DSC3: variants seen among roughly 807,000 people sequenced by gnomAD.
DSC3 encodes desmocollin 3.
Under a neutral mutation model 89.5 loss-of-function variants are expected in DSC3, and 97 were observed. The ratio of observed to expected loss-of-function variants is 1.08; its 90% CI spans 0.92 to 1.28. DSC3 has a LOEUF of 1.28. DSC3 is among the 50% of genes most tolerant of loss of function. The pLI is 0.00. For synonymous variants in DSC3, 436 were observed against 384.1 expected (o/e 1.14, Z -1.58); for missense variants, 1,199 against 1,085.3 (o/e 1.10, Z -1.47).
At chr18:31,032,546 CTGTGTGTATGTGTGTGTGTG>C (rs1258783617) in intron 1 of DSC3, among the ~76,000 whole-genome samples, 1 of 133,736 alleles carries the variant, frequency 7.5e-6, no homozygotes, top group African/African-American at 3.0e-5. Context: ...CTAACTGCTT[CTGTGTGTATGTGTGTGTGTG>C]TGTGTGTGTG....
intron 9 of DSC3, among the ~76,000 whole-genome samples, chr18:31,013,597 A>G (rs1161963888): frequency 6.6e-6 from 1 of 152,200 alleles, no homozygotes; most frequent in Non-Finnish European, 1.5e-5. Flanking sequence ...AGATAAGAAG[A>G]GCAAAACATA....
intron 14 of DSC3, among the ~76,000 whole-genome samples, chr18:30,999,059 A>G (rs1255315120): frequency 2.0e-5 from 3 of 152,212 alleles, no homozygotes; most frequent in African/African-American, 7.2e-5. Context: ...ATTAAACATT[A>G]ACTTAATACT....
intron 3 of DSC3, among the ~76,000 whole-genome samples, chr18:31,030,454 A>G (rs773917289): frequency 1.1e-4 from 17 of 152,250 alleles, no homozygotes; most frequent in Non-Finnish European, 2.1e-4. Context: ...GACTACTTTC[A>G]TAATGGCATT....
chr18:31,014,279 T>C (rs1020339638), intron 9 of DSC3, among the ~76,000 whole-genome samples: 1 of 152,066 alleles, frequency 6.6e-6, no homozygotes, highest in African/African-American at 2.4e-5. Flanking sequence ...GATATGTTAA[T>C]TGAAGTAAAA....
At chr18:31,027,125 A>G (rs1032641523) in intron 4 of DSC3, among the ~76,000 whole-genome samples, 10 of 152,198 alleles carry the variant, frequency 6.6e-5, no homozygotes, top group Admixed American at 6.5e-4. Flanking sequence ...AGAAGAATAG[A>G]CATATAGGCT....
intron 7 of DSC3, 88 bp downstream of exon 7, chr18:31,022,248 A>G: frequency 6.7e-7 from 1 of 1,481,936 alleles, no homozygotes; most frequent in Admixed American, 1.8e-5. Flanking sequence ...AAATTAAACT[A>G]TTAATCCACA....
At chr18:30,996,004 AG>A (rs1984451184) in intron 15 of DSC3, among the ~76,000 whole-genome samples, 11 of 143,626 alleles carry the variant, frequency 7.7e-5, no homozygotes, top group African/African-American at 2.5e-4. Context: ...AAAAAAGAAA[AG>A]AAAGAAAAAA....
At chr18:30,999,136 C>T (rs1984570385) in intron 14 of DSC3, among the ~76,000 whole-genome samples, 1 of 152,182 alleles carries the variant, frequency 6.6e-6, no homozygotes, top group African/African-American at 2.4e-5. Context: ...CTCGACATGT[C>T]AGTTTTCATT....
In DSC3 at chr18:31,022,492, C is replaced by G; in HGVS notation, c.786G>C (p.Val262=). Residue 262 remains valine (V), a synonymous_variant, in exon 7 of 16, where the codon GTG becomes GTC. Coordinates refer to ENST00000360428, the MANE Select transcript of DSC3 (RefSeq NM_001941.5). ...CTCTGTCTGTGGCACAAACCACCCC[C>G]ACTGTAGTACCTACACATTAAAAAA... ...VLESSRPGTT[V]GVVCATDRDE... The G allele has an allele frequency of 6.2e-7, 1 of 1,614,012 alleles. No individual in the cohort carries two copies. The highest frequency in any genetic ancestry group is 8.5e-7 in the Non-Finnish European group (1 of 1,179,950).
Position 30,993,752 on chromosome 18 carries a change from C to T in DSC3, c.*423G>A, listed in dbSNP as rs557521005. On this transcript the variant is annotated 3_prime_UTR_variant, in exon 16 of 16. Transcript: ENST00000360428. ...AACATTTTTAATTTAATTCAGTCTT[C>T]ATTGTTTCTTTTCCAAAACTTTCTT... 1 of 170,400 alleles carries T rather than the reference C, an allele frequency of 5.9e-6. No homozygotes were observed. The highest frequency in any genetic ancestry group is 1.7e-4 in the East Asian group (1 of 6,004). The allele number at this position is 170,400 out of a possible 1,614,324, so 10.6% of individuals were successfully genotyped here. A position where few individuals can be genotyped will look rare whatever the true frequency, so the allele number is the denominator to read the frequency against.
intron 3 of DSC3, among the ~76,000 whole-genome samples, chr18:31,030,204 T>C (rs1985733639): frequency 6.6e-6 from 1 of 152,216 alleles, no homozygotes; most frequent in Admixed American, 6.5e-5. Context: ...AATATTGAGC[T>C]GTCATATCAA....
intron 1 of DSC3, among the ~76,000 whole-genome samples, chr18:31,035,407 C>G (rs1985937817): frequency 6.6e-6 from 1 of 151,836 alleles, no homozygotes; most frequent in Non-Finnish European, 1.5e-5. Context: ...AAAATAATAA[C>G]CAGATTGCAA....
intron 4 of DSC3, among the ~76,000 whole-genome samples, chr18:31,026,145 G>A (rs1056760335): frequency 6.6e-5 from 10 of 151,994 alleles, no homozygotes; most frequent in Middle Eastern, 3.2e-3. Context: ...AAAATTAAAT[G>A]AATAAGCTAT....
intron 9 of DSC3, among the ~76,000 whole-genome samples, chr18:31,008,991 A>G (rs896327639): frequency 2.6e-5 from 4 of 152,186 alleles, no homozygotes; most frequent in Non-Finnish European, 4.4e-5. Flanking sequence ...CAAAACCAAA[A>G]GGTGCAATGA....
At chr18:31,019,167 G>A (rs1315192625) in intron 7 of DSC3, among the ~76,000 whole-genome samples, 1 of 152,190 alleles carries the variant, frequency 6.6e-6, no homozygotes, top group Non-Finnish European at 1.5e-5. Flanking sequence ...CACGATCTTG[G>A]CTCACTGCAA....
chr18:31,011,052 C>T (rs989317949), intron 9 of DSC3, among the ~76,000 whole-genome samples: 1 of 152,212 alleles, frequency 6.6e-6, no homozygotes, highest in Non-Finnish European at 1.5e-5. Context: ...CAGAGGCCAA[C>T]TTTCCAAGAT....
At position 30,994,275 on chromosome 18, in the gene DSC3, A is replaced by G; in HGVS notation, c.2591T>C (p.Val864Ala). 6.2e-7 allele frequency: 1 copy of G among 1,614,134 alleles called. No homozygotes were observed. The highest frequency in any genetic ancestry group is 8.5e-7 in the Non-Finnish European group (1 of 1,180,004). ...TTCCTGCTTTTCACTGCAGCAGCCC[A>G]CAGAACCAGCTGGAGATCCTCTTCC... is the stretch of plus-strand genomic sequence containing the variant. Reference protein sequence around the residue: ...YEGRGSPAGSVGCCSEKQEED... With the variant: ...YEGRGSPAGSAGCCSEKQEED... The change falls in exon 16 of 16, where the codon GTG (valine) becomes GCG (alanine). Residue 864 changes from valine to alanine, a missense_variant. Coordinates refer to ENST00000360428, the MANE Select transcript of DSC3 (RefSeq NM_001941.5).
intron 1 of DSC3, 65 bp from the exon 2 acceptor site, chr18:31,032,341 A>T: frequency 7.9e-7 from 1 of 1,265,902 alleles, no homozygotes; most frequent in Non-Finnish European, 1.1e-6. Context: ...TAATCATATC[A>T]ATAGATGTAA....
At chr18:31,010,259 GA>G (rs1414172365) in intron 9 of DSC3, among the ~76,000 whole-genome samples, 6 of 152,086 alleles carry the variant, frequency 3.9e-5, no homozygotes, top group Middle Eastern at 6.8e-3. Context: ...GAGAGTCAAG[GA>G]AAAAAATATT....
Sources: gnomAD v4.1 joint callset for allele counts (sites outside exome capture counted in the v4.1 genomes callset) on GRCh38, gnomAD v4.1.1 for gene constraint, MANE v1.5 for transcripts, NCBI Gene and HGNC (gene_info 2026-07-23, HGNC 2026-07-21) for gene names.